The following AFF2 variants were observed in gnomAD, a reference collection of about 807,000 sequenced individuals.
AFF2 encodes the protein AF4/FMR2 family member 2.
A neutral mutation model predicts 76.9 loss-of-function variants in AFF2; 14 were observed. The observed-to-expected ratio is 0.18, with a 90% CI of 0.12 to 0.28. The LOEUF is 0.28. Among genes scored for constraint, AFF2 ranks in the 10% least tolerant of loss-of-function variants. AFF2 has a pLI of 1.00. For missense variants in AFF2, 868 were observed against 1,001.1 expected (o/e 0.87, Z 1.79); for synonymous variants, 398 against 366.7 (o/e 1.09, Z -0.98).
intron 3 of AFF2, among the ~76,000 whole-genome samples, chrX:148,734,242 C>A (rs193052718): frequency 9.0e-6 from 1 of 111,051 alleles, no homozygotes; most frequent in Non-Finnish European, 1.9e-5. Context: ...CAGTAGCCGG[C>A]GAGGACTATG....
At chrX:148,564,530 C>T (rs782238811) in intron 1 of AFF2, among the ~76,000 whole-genome samples, 2 of 109,242 alleles carry the variant, frequency 1.8e-5, no homozygotes, top group African/African-American at 6.7e-5. Flanking sequence ...TTGACATGGC[C>T]GAAACCTGCC....
chrX:148,936,052 GTCT>G, intron 9 of AFF2, among the ~76,000 whole-genome samples: 1 of 111,136 alleles, frequency 9.0e-6, no homozygotes, highest in African/African-American at 3.3e-5. Flanking sequence ...TTGACTGGAA[GTCT>G]TCTTCGTGGA....
chrX:148,633,528 G>A (rs371743933), intron 1 of AFF2, among the ~76,000 whole-genome samples: 8 of 112,235 alleles, frequency 7.1e-5, no homozygotes, highest in Admixed American at 9.4e-5. Flanking sequence ...GCTTAATAGC[G>A]TCTTGTTGTC....
intron 7 of AFF2, among the ~76,000 whole-genome samples, chrX:148,870,695 C>T (rs1379114638): frequency 1.8e-5 from 2 of 112,420 alleles, no homozygotes; most frequent in Non-Finnish European, 3.8e-5. Flanking sequence ...CTATCTCTGT[C>T]ACATTCAAGT....
intron 1 of AFF2, among the ~76,000 whole-genome samples, chrX:148,542,855 T>G (rs1182791323): frequency 8.9e-6 from 1 of 112,119 alleles, no homozygotes; most frequent in African/African-American, 3.2e-5. Flanking sequence ...CATTGAGCAG[T>G]CTATCTTTTG....
chrX:148,553,889 T>C (rs2053022327), intron 1 of AFF2, among the ~76,000 whole-genome samples: 1 of 111,789 alleles, frequency 8.9e-6, no homozygotes, highest in Admixed American at 9.5e-5. Context: ...CCAGACACCT[T>C]TAAAAACTAT....
intron 3 of AFF2, among the ~76,000 whole-genome samples, chrX:148,707,428 G>A (rs1384757199): frequency 6.3e-5 from 7 of 110,392 alleles, no homozygotes; most frequent in Admixed American, 9.7e-5. Flanking sequence ...ATTATAACTC[G>A]TAATTAGGCA....
At chrX:148,790,213 C>G (rs1018967956) in intron 3 of AFF2, among the ~76,000 whole-genome samples, 10 of 111,536 alleles carry the variant, frequency 9.0e-5, no homozygotes, top group African/African-American at 3.3e-4. Context: ...AATTAGAACG[C>G]TTTAATACTG....
chrX:148,533,394 G>A (rs887628360), intron 1 of AFF2, among the ~76,000 whole-genome samples: 6 of 109,977 alleles, frequency 5.5e-5, no homozygotes, highest in Admixed American at 9.7e-5. Flanking sequence ...CCGGGTTCAC[G>A]ACATTCTCCT....
In AFF2 at chrX:148,741,532, C is replaced by T. The variant is rs907793781; in HGVS notation, c.1042-68344C>T. On this transcript the variant is annotated intron_variant, in intron 3 of 20. Coordinates refer to ENST00000370460, the MANE Select transcript of AFF2 (RefSeq NM_002025.4). ...GTCTGTTTCCAGAGGAAGGGCGAGA[C>T]GGACTTGAAAACTTGCCCGAGGCTT... Among the ~76,000 whole-genome samples the T allele has an allele frequency of 3.6e-5, 4 of 110,689 alleles. No homozygotes were observed. The East Asian group carries it at 8.6e-4, about 24-fold the overall frequency.
intron 1 of AFF2, among the ~76,000 whole-genome samples, chrX:148,519,253 G>C (rs1047161046): frequency 3.6e-5 from 4 of 111,842 alleles, no homozygotes; most frequent in African/African-American, 1.3e-4. Context: ...CTATTCTTCA[G>C]GTCAGAAGTG....
At chrX:148,544,140 C>T (rs1463374247) in intron 1 of AFF2, among the ~76,000 whole-genome samples, 1 of 112,242 alleles carries the variant, frequency 8.9e-6, no homozygotes, top group Non-Finnish European at 1.9e-5. Context: ...AGGAACCTCC[C>T]AGGGCCACCC....
At chrX:148,914,701 A>G (rs2071507559) in intron 9 of AFF2, among the ~76,000 whole-genome samples, 1 of 111,753 alleles carries the variant, frequency 8.9e-6, no homozygotes. Context: ...TATTTCTTGC[A>G]TTTTTCAAAA....
intron 4 of AFF2, chrX:148,822,540 C>T (rs782608414): frequency 9.0e-6 from 1 of 111,139 alleles, no homozygotes; most frequent in Non-Finnish European, 1.9e-5. Context: ...TCAGTGTAAA[C>T]AAGGTACTGA....
intron 9 of AFF2, among the ~76,000 whole-genome samples, chrX:148,948,415 C>A (rs782169162): frequency 8.9e-6 from 1 of 111,755 alleles, no homozygotes; most frequent in Non-Finnish European, 1.9e-5. Context: ...ACTTTAGGTT[C>A]ATAAGGATTA....
At chrX:148,656,932 G>A (rs1210669030) in intron 2 of AFF2, among the ~76,000 whole-genome samples, 2 of 112,221 alleles carry the variant, frequency 1.8e-5, no homozygotes, top group Admixed American at 1.9e-4. Context: ...CCTCTGACAG[G>A]ATGTCAGAAT....
rs905120825 is a variant in AFF2, at chrX:148,559,258, A to G, written c.47+58114A>G. Among the ~76,000 whole-genome samples, 17 of 111,829 alleles carry G rather than the reference A, an allele frequency of 1.5e-4. No individual in the cohort carries two copies. In the East Asian group the frequency reaches 1.7e-3, roughly 11 times the overall value. On this transcript the variant is annotated intron_variant, in intron 1 of 20. Transcript: ENST00000370460. ...AATCAAGACGCATGCAGAAAAATCC[A>G]CAATGAATAAACAATCTGATTTTTT...
chrX:148,726,834 A>G (rs1306714438), intron 3 of AFF2, among the ~76,000 whole-genome samples: 1 of 111,367 alleles, frequency 9.0e-6, no homozygotes, highest in Non-Finnish European at 1.9e-5. Context: ...CTGAAGTGGT[A>G]TCCAGATAGC....
At chrX:148,922,198 C>T (rs925620951) in intron 9 of AFF2, among the ~76,000 whole-genome samples, 29 of 111,873 alleles carry the variant, frequency 2.6e-4, no homozygotes, top group Non-Finnish European at 4.1e-4. Context: ...TGTATTTCCT[C>T]CCCTGGTATA....
Sources: allele counts gnomAD v4.1 joint callset (sites outside exome capture counted in the v4.1 genomes callset), GRCh38; gene constraint gnomAD v4.1.1; transcripts MANE v1.5; gene names NCBI Gene and HGNC (gene_info 2026-07-23, HGNC 2026-07-21).